The following ANKRD11 variants were observed in gnomAD, a reference collection of about 807,000 sequenced individuals.
The protein encoded by ANKRD11 is ankyrin repeat domain-containing protein 11.
ANKRD11 carries 17 observed loss-of-function variants against 195.7 expected under a neutral mutation model. The observed-to-expected ratio is 0.09, with a 90% CI of 0.06 to 0.13. The LOEUF is 0.13. ANKRD11 is among the 10% of genes least tolerant of loss of function. ANKRD11 has a pLI of 1.00. For missense variants in ANKRD11, 3,735 were observed against 3,566.1 expected, an observed-to-expected ratio of 1.05 and a Z score of -1.21; for synonymous variants, 1,953 against 1,528.1, an observed-to-expected ratio of 1.28 and a Z score of -6.49.
chr16:89,446,326 G>C (rs148535807), intron 1 of ANKRD11, among the ~76,000 whole-genome samples: 3 of 152,100 alleles, frequency 2.0e-5, no homozygotes, highest in Admixed American at 1.3e-4. Flanking sequence ...TGAGGTGGAC[G>C]GGCGCAGTGG....
At chr16:89,305,049 T>A (rs539943641) in intron 4 of ANKRD11, 157 bp downstream of exon 4, 2 of 1,174,772 alleles carry the variant, frequency 1.7e-6, no homozygotes, top group African/African-American at 3.1e-5. Context: ...TGTGGGGGCC[T>A]GTGCTCCGCC....
At chr16:89,292,550 T>C (rs1038233935) in intron 4 of ANKRD11, among the ~76,000 whole-genome samples, 4 of 152,066 alleles carry the variant, frequency 2.6e-5, no homozygotes, top group Non-Finnish European at 5.9e-5. Context: ...TGGATTCGTA[T>C]GTCCTATGGG....
chr16:89,445,908 GT>G (rs1955826359), intron 1 of ANKRD11, among the ~76,000 whole-genome samples: 1 of 151,574 alleles, frequency 6.6e-6, no homozygotes. Flanking sequence ...GGCAGACATT[GT>G]GGTGAGCGGA....
intron 2 of ANKRD11, among the ~76,000 whole-genome samples, chr16:89,406,380 G>A (rs1597308693): frequency 6.6e-6 from 1 of 152,160 alleles, no homozygotes; most frequent in African/African-American, 2.4e-5. Context: ...ACTCCTGAGG[G>A]CGACAAAACA....
chr16:89,480,001 C>T (rs1406407373), intron 1 of ANKRD11, among the ~76,000 whole-genome samples: 3 of 149,344 alleles, frequency 2.0e-5, no homozygotes, highest in Non-Finnish European at 4.4e-5. Flanking sequence ...ATCCCAGCTA[C>T]TCGGGAGGCT....
rs751753158 is a variant in ANKRD11 at position 89,279,255 on chromosome 16, G to T, written c.7287C>A (p.Pro2429=). The T allele has an allele frequency of 3.7e-6, 6 of 1,611,782 alleles. No individual in the cohort carries two copies. In the Admixed American group the frequency reaches 8.3e-5, roughly 22 times the overall value. Residue 2429 remains proline, a synonymous_variant, in exon 9 of 13, where the codon CCC becomes CCA. Transcript: ENST00000301030. This position sits in a 1 kb window ranked among gnomAD's most constrained non-coding sequence, Gnocchi z 5.6. ...AGGGGTTGGCCCTGTCGCTGTGGTA[G>T]GGCTCGATGGCATCCAGCTTGATGG... ...VDAIKLDAIE[P]YHSDRANPYF...
At chr16:89,470,203 T>C (rs2057029208) in intron 1 of ANKRD11, among the ~76,000 whole-genome samples, 1 of 151,944 alleles carries the variant, frequency 6.6e-6, no homozygotes, top group South Asian at 2.1e-4. Flanking sequence ...ACCATGCCTA[T>C]AATGTCACCG....
At chr16:89,427,021 T>C (rs2042744487) in intron 1 of ANKRD11, among the ~76,000 whole-genome samples, 1 of 152,202 alleles carries the variant, frequency 6.6e-6, no homozygotes, top group African/African-American at 2.4e-5. Flanking sequence ...GAACCATCTC[T>C]TGGTATGCAA....
intron 1 of ANKRD11, among the ~76,000 whole-genome samples, chr16:89,446,356 C>A (rs1224243216): frequency 6.6e-6 from 1 of 152,188 alleles, no homozygotes; most frequent in East Asian, 1.9e-4. Context: ...CTAATCCCAG[C>A]ACTTTGGGAG....
intron 2 of ANKRD11, among the ~76,000 whole-genome samples, chr16:89,353,827 C>T (rs1008762388): frequency 6.6e-6 from 1 of 152,166 alleles, no homozygotes; most frequent in African/African-American, 2.4e-5. Flanking sequence ...TCAACAGCCA[C>T]TATGGGAACA....
chr16:89,490,426 G>A lies in ANKRD11; in HGVS notation c.-326C>T, dbSNP rs901701252. 166 of 319,622 alleles carry A rather than the reference G, an allele frequency of 5.2e-4. No homozygotes were observed. The highest frequency in any genetic ancestry group is 1.3e-4 in the Non-Finnish European group (22 of 175,202). 19.8% of individuals were successfully genotyped at this position (319,622 alleles called of 1,614,324 possible). On this transcript the variant is annotated 5_prime_UTR_variant, in exon 1 of 13. Transcript: ENST00000301030. ...GGCGGGAGGCGAGCCCGCCCCTCGG[G>A]CGCGCCCACGGCTCGGGCGAGAGCC...
intron 2 of ANKRD11, among the ~76,000 whole-genome samples, chr16:89,367,497 G>A (rs2039999592): frequency 6.6e-6 from 1 of 152,190 alleles, no homozygotes; most frequent in African/African-American, 2.4e-5. Context: ...GTGTACAGCT[G>A]CCATGGTCAC....
At chr16:89,376,180 A>G (rs1048716879) in intron 2 of ANKRD11, among the ~76,000 whole-genome samples, 5 of 152,364 alleles carry the variant, frequency 3.3e-5, no homozygotes, top group East Asian at 3.9e-4. Context: ...GGATTGCTAT[A>G]AGAAAGGCAA....
intron 1 of ANKRD11, among the ~76,000 whole-genome samples, chr16:89,490,002 G>A (rs1182042523): frequency 2.8e-5 from 1 of 35,666 alleles, no homozygotes; most frequent in African/African-American, 6.9e-5. Flanking sequence ...GGCCACCCCG[G>A]GCCCCCAAAG....
intron 2 of ANKRD11, among the ~76,000 whole-genome samples, chr16:89,416,995 T>C (rs2042338138): frequency 6.6e-6 from 1 of 152,002 alleles, no homozygotes; most frequent in Non-Finnish European, 1.5e-5. Flanking sequence ...TCTCACCTGA[T>C]CACAAACATG....
chr16:89,376,388 G>C (rs1364266326), intron 2 of ANKRD11, among the ~76,000 whole-genome samples: 1 of 152,200 alleles, frequency 6.6e-6, no homozygotes. Flanking sequence ...TGAGGTCCCA[G>C]ACACCATGAG....
intron 3 of ANKRD11, among the ~76,000 whole-genome samples, chr16:89,309,989 T>C (rs948003902): frequency 7.2e-5 from 11 of 152,154 alleles, no homozygotes; most frequent in African/African-American, 2.7e-4. Context: ...AGATTCCCTA[T>C]CACATCACGA....
At chr16:89,389,625 C>A (rs890743590) in intron 2 of ANKRD11, among the ~76,000 whole-genome samples, 1 of 152,196 alleles carries the variant, frequency 6.6e-6, no homozygotes, top group Non-Finnish European at 1.5e-5. Flanking sequence ...CACAGAAGAA[C>A]AGGCATTCAG....
intron 4 of ANKRD11, chr16:89,304,983 G>T: frequency 1.5e-6 from 1 of 655,670 alleles, no homozygotes; most frequent in African/African-American, 1.8e-5. Flanking sequence ...GGACCCAAGA[G>T]TGAAGCTCTC....
Sources: gnomAD v4.1 joint callset for allele counts (sites outside exome capture counted in the v4.1 genomes callset) on GRCh38, gnomAD v4.1.1 for gene constraint, Gnocchi (gnomAD v3.1) non-coding constraint, MANE v1.5 for transcripts, NCBI Gene and HGNC (gene_info 2026-07-23, HGNC 2026-07-21) for gene names.